Variants in SGCD observed in about 807,000 individuals in gnomAD.
SGCD encodes the protein delta-sarcoglycan.
A neutral mutation model predicts 36.6 loss-of-function variants in SGCD; 18 were observed. The observed-to-expected ratio is 0.49, with a 90% CI of 0.34 to 0.73. The LOEUF (loss-of-function observed/expected upper bound fraction) is 0.73. Ranked by LOEUF, SGCD falls within the 30% of genes least tolerant of loss-of-function variation. The pLI is 0.01. For missense variants in SGCD, 387 were observed against 346.7 expected (o/e 1.12, Z -0.92); for synonymous variants, 133 against 130.6 (o/e 1.02, Z -0.12).
intron 6 of SGCD, among the ~76,000 whole-genome samples, chr5:156,629,781 G>A (rs1230940709): frequency 1.3e-5 from 2 of 151,644 alleles, no homozygotes; most frequent in African/African-American, 4.8e-5. Flanking sequence ...TACAAAAACA[G>A]GTAGTGAGAC....
At chr5:156,210,954 G>A (rs1436288000) in intron 3 of SGCD, among the ~76,000 whole-genome samples, 1 of 151,538 alleles carries the variant, frequency 6.6e-6, no homozygotes, top group Non-Finnish European at 1.5e-5. Flanking sequence ...CCAGGTACAG[G>A]AAAGTCAAAT....
At chr5:155,838,983 A>G in the SGCD span, among the ~76,000 whole-genome samples, 3 of 152,264 alleles carry the variant, frequency 2.0e-5, no homozygotes, top group African/African-American at 7.2e-5. Context: ...GTTTTTCTGA[A>G]TAGGTTTTCA....
At chr5:156,537,304 T>G (rs1758156704) in intron 4 of SGCD, among the ~76,000 whole-genome samples, 2 of 152,128 alleles carry the variant, frequency 1.3e-5, no homozygotes, top group South Asian at 4.1e-4. Flanking sequence ...GAGTCTAGTC[T>G]CTCTCTGAAG....
the SGCD span, among the ~76,000 whole-genome samples, chr5:155,801,704 T>G: frequency 6.6e-6 from 1 of 152,220 alleles, no homozygotes; most frequent in Non-Finnish European, 1.5e-5. Context: ...TATCTAATAA[T>G]TAATAGCTGT....
intron 4 of SGCD, among the ~76,000 whole-genome samples, chr5:156,536,329 A>G (rs1386190218): frequency 6.6e-6 from 1 of 152,182 alleles, no homozygotes; most frequent in African/African-American, 2.4e-5. Context: ...CCAGGTGTGA[A>G]CTACCCCACA....
intron 1 of SGCD, among the ~76,000 whole-genome samples, chr5:156,027,102 A>C (rs1759239955): frequency 6.6e-6 from 1 of 152,192 alleles, no homozygotes; most frequent in African/African-American, 2.4e-5. Context: ...AAATAAAGGC[A>C]TTTTGGTGAC....
intron 1 of SGCD, among the ~76,000 whole-genome samples, chr5:155,945,736 C>T (rs73301362): frequency 0.088 from 13,429 of 151,930 alleles, 644 homozygotes; most frequent in South Asian, 0.16. Context: ...AGGTGGATGG[C>T]GAGATAAGAT....
At chr5:156,390,159 G>C (rs1056843189) in intron 3 of SGCD, among the ~76,000 whole-genome samples, 9 of 151,864 alleles carry the variant, frequency 5.9e-5, no homozygotes, top group African/African-American at 2.2e-4. Context: ...GCTATGTTAT[G>C]GTTTATGTAA....
intron 3 of SGCD, among the ~76,000 whole-genome samples, chr5:156,407,269 C>T (rs1772479070): frequency 6.6e-6 from 1 of 152,188 alleles, no homozygotes; most frequent in African/African-American, 2.4e-5. Flanking sequence ...GATACTAAGC[C>T]AGCACATAAG....
intron 1 of SGCD, among the ~76,000 whole-genome samples, chr5:155,956,058 T>C (rs1318169625): frequency 6.6e-6 from 1 of 151,928 alleles, no homozygotes; most frequent in African/African-American, 2.4e-5. Context: ...ACTCTAAAAA[T>C]TTAGATTTCT....
intron 3 of SGCD, among the ~76,000 whole-genome samples, chr5:156,241,151 T>G (rs1765294751): frequency 6.6e-6 from 1 of 152,182 alleles, no homozygotes; most frequent in South Asian, 2.1e-4. Flanking sequence ...AATTGAGATC[T>G]GCTGAAAGTC....
intron 1 of SGCD, among the ~76,000 whole-genome samples, chr5:155,930,392 C>T (rs184974065): frequency 1.3e-4 from 20 of 152,276 alleles, no homozygotes; most frequent in Admixed American, 1.2e-3. Flanking sequence ...ATCCATTGAG[C>T]ATACTGTATT....
At chr5:156,516,592 G>A (rs956079068) in intron 4 of SGCD, among the ~76,000 whole-genome samples, 1 of 152,146 alleles carries the variant, frequency 6.6e-6, no homozygotes, top group African/African-American at 2.4e-5. Context: ...AACTCAAAAG[G>A]CCAGAGTGCC....
chr5:156,425,694 T>C (rs1362210932), intron 3 of SGCD, among the ~76,000 whole-genome samples: 1 of 151,994 alleles, frequency 6.6e-6, no homozygotes, highest in Non-Finnish European at 1.5e-5. Flanking sequence ...GTATGTAGCC[T>C]TTTATCCCTC....
At chr5:156,718,854 C>A (rs1755348758) in intron 7 of SGCD, among the ~76,000 whole-genome samples, 1 of 149,192 alleles carries the variant, frequency 6.7e-6, no homozygotes, top group Non-Finnish European at 1.5e-5. Flanking sequence ...TATGTTGGTA[C>A]ATGCCTGTAG....
chr5:156,484,591 C>T (rs1051352683), intron 3 of SGCD, among the ~76,000 whole-genome samples: 2 of 152,086 alleles, frequency 1.3e-5, no homozygotes, highest in Non-Finnish European at 1.5e-5. Flanking sequence ...TACATTTTTT[C>T]AAGCTGTTCA....
chr5:156,508,001 G>A (rs1756776871), intron 3 of SGCD, among the ~76,000 whole-genome samples: 1 of 152,114 alleles, frequency 6.6e-6, no homozygotes, highest in Admixed American at 6.6e-5. Flanking sequence ...GAGTGTAGGT[G>A]GCAGTAATAG....
intron 3 of SGCD, among the ~76,000 whole-genome samples, chr5:156,294,772 G>A (rs904104968): frequency 7.2e-5 from 11 of 152,142 alleles, no homozygotes; most frequent in South Asian, 6.2e-4. Flanking sequence ...CTGTTAATAC[G>A]TTATATCAAA....
rs1237223383 is a variant in SGCD, at chr5:156,767,122, T to A, written c.*7732T>A. On this transcript the variant is annotated 3_prime_UTR_variant, in exon 9 of 9. Coordinates refer to ENST00000337851, the MANE Select transcript of SGCD (RefSeq NM_000337.6). ...GCCAGGAATAGATACCATTAAAGGG[T>A]CTCATAGGACTAACCTTACCAGAGC... 1 of 152,024 alleles carries A rather than the reference T, an allele frequency of 6.6e-6. No individual in the cohort carries two copies. The highest frequency in any genetic ancestry group is 2.4e-5 in the African/African-American group (1 of 41,378). The allele number at this position is 152,024 out of a possible 1,614,324, so 9.4% of individuals were successfully genotyped here.
Sources: allele counts gnomAD v4.1 joint callset (sites outside exome capture counted in the v4.1 genomes callset), GRCh38; gene constraint gnomAD v4.1.1; transcripts MANE v1.5; gene names NCBI Gene and HGNC (gene_info 2026-07-23, HGNC 2026-07-21).